The following HS3ST4 variants were observed in gnomAD, a reference collection of about 807,000 sequenced individuals.
HS3ST4 encodes the protein heparan sulfate glucosamine 3-O-sulfotransferase 4.
HS3ST4 carries 17 observed loss-of-function variants against 29.2 expected under a neutral mutation model. That is an observed-to-expected ratio of 0.58 (90% CI 0.40 to 0.87). The LOEUF (loss-of-function observed/expected upper bound fraction) is 0.87. HS3ST4 is among the 40% of genes least tolerant of loss of function. HS3ST4 has a pLI of 0.00. For missense variants in HS3ST4, 627 were observed against 634.5 expected (o/e 0.99, Z 0.13); for synonymous variants, 314 against 285.7 (o/e 1.10, Z -1.00).
chr16:25,797,847 A>G (rs1245408862), intron 1 of HS3ST4, among the ~76,000 whole-genome samples: 1 of 152,208 alleles, frequency 6.6e-6, no homozygotes, highest in Non-Finnish European at 1.5e-5. Flanking sequence ...AAGAGCCCTC[A>G]AGGATGCTGG....
chr16:25,751,892 G>A (rs975292111), intron 1 of HS3ST4, among the ~76,000 whole-genome samples: 5 of 152,162 alleles, frequency 3.3e-5, no homozygotes, highest in African/African-American at 1.2e-4. Flanking sequence ...TGGATGAAAG[G>A]AGGTCCCTAC....
chr16:25,801,312 A>T (rs955576594), intron 1 of HS3ST4, among the ~76,000 whole-genome samples: 1 of 152,144 alleles, frequency 6.6e-6, no homozygotes, highest in Admixed American at 6.6e-5. Context: ...GTGTACCCTA[A>T]TTTATTATCA....
chr16:25,693,270 G>A, intron 1 of HS3ST4, 119 bp downstream of exon 1: 1 of 1,132,778 alleles, frequency 8.8e-7, no homozygotes. Flanking sequence ...AAGCCCCCGC[G>A]AGGGCTCTGC....
chr16:25,718,912 A>C (rs1480537581), intron 1 of HS3ST4, among the ~76,000 whole-genome samples: 1 of 152,216 alleles, frequency 6.6e-6, no homozygotes. Flanking sequence ...AAATTGGAGA[A>C]TATAGAAAGA....
At chr16:25,779,020 A>G (rs887190171) in intron 1 of HS3ST4, among the ~76,000 whole-genome samples, 9 of 152,154 alleles carry the variant, frequency 5.9e-5, no homozygotes, top group Non-Finnish European at 8.8e-5. Flanking sequence ...ACACACACGC[A>G]CACACCCTAC....
chr16:25,699,679 A>G (rs1966321816), intron 1 of HS3ST4, among the ~76,000 whole-genome samples: 1 of 152,256 alleles, frequency 6.6e-6, no homozygotes, highest in Non-Finnish European at 1.5e-5. Flanking sequence ...CTTTGGTTCC[A>G]GAACACATTT....
At chr16:25,868,339 T>G (rs1318032159) in intron 1 of HS3ST4, among the ~76,000 whole-genome samples, 1 of 152,100 alleles carries the variant, frequency 6.6e-6, no homozygotes, top group Non-Finnish European at 1.5e-5. Context: ...TGTAAGATAC[T>G]AAATCCGGAT....
chr16:26,050,630 T>C (rs1003637853), intron 1 of HS3ST4, among the ~76,000 whole-genome samples: 3 of 152,208 alleles, frequency 2.0e-5, no homozygotes, highest in Non-Finnish European at 4.4e-5. Flanking sequence ...ATGTGATTCC[T>C]TCCGCACCAC....
intron 1 of HS3ST4, among the ~76,000 whole-genome samples, chr16:25,861,653 C>T (rs1348400073): frequency 6.6e-6 from 1 of 152,126 alleles, no homozygotes; most frequent in African/African-American, 2.4e-5. Context: ...CCCCAATCTC[C>T]CCTTTACACT....
intron 1 of HS3ST4, among the ~76,000 whole-genome samples, chr16:26,082,014 C>T (rs372672660): frequency 2.0e-5 from 3 of 152,158 alleles, no homozygotes; most frequent in South Asian, 2.1e-4. Context: ...AGGCTGGTTT[C>T]GAACTTCTGT....
intron 1 of HS3ST4, among the ~76,000 whole-genome samples, chr16:26,092,656 G>A (rs1481598299): frequency 2.0e-5 from 3 of 152,208 alleles, no homozygotes; most frequent in Admixed American, 6.5e-5. Context: ...GCTCCGGTCT[G>A]CAGCTCCCAG....
At chr16:25,812,080 G>A (rs924920663) in intron 1 of HS3ST4, among the ~76,000 whole-genome samples, 2 of 152,114 alleles carry the variant, frequency 1.3e-5, no homozygotes, top group African/African-American at 2.4e-5. Flanking sequence ...TGGGCATTGA[G>A]GTTGATCCCA....
At chr16:25,803,648 G>A (rs1966962501) in intron 1 of HS3ST4, among the ~76,000 whole-genome samples, 1 of 151,866 alleles carries the variant, frequency 6.6e-6, no homozygotes, top group Non-Finnish European at 1.5e-5. Flanking sequence ...GGTTCTCTTT[G>A]TGTCAGAGAA....
chr16:25,851,734 T>TA (rs2141649892), intron 1 of HS3ST4, among the ~76,000 whole-genome samples: 1 of 152,266 alleles, frequency 6.6e-6, no homozygotes, highest in African/African-American at 2.4e-5. Context: ...TGTCAGGAAC[T>TA]AATAGCCTTG....
chr16:25,836,241 A>G (rs1348265281), intron 1 of HS3ST4, among the ~76,000 whole-genome samples: 2 of 152,122 alleles, frequency 1.3e-5, no homozygotes, highest in Non-Finnish European at 2.9e-5. Context: ...TTGGACCCCT[A>G]CCCATGCATA....
At position 25,998,559 on chromosome 16, in the gene HS3ST4, C is replaced by G. The variant is rs150498946; in HGVS notation, c.735-137053C>G. The stretch of plus-strand genomic sequence containing the variant: ...AATTAGCTCCATCATTGCAGATTAT[C>G]AGAGTATTTTCCATTCTTGATCTTG... On this transcript the variant is annotated intron_variant, in intron 1 of 1. Transcript: ENST00000331351. 2.6e-5 allele frequency among the ~76,000 whole-genome samples: 4 copies of G among 152,262 alleles called. No individual in the cohort carries two copies. In the East Asian group the frequency reaches 7.7e-4, roughly 29 times the overall value.
At chr16:25,738,332 C>T (rs1254927726) in intron 1 of HS3ST4, among the ~76,000 whole-genome samples, 3 of 152,194 alleles carry the variant, frequency 2.0e-5, no homozygotes, top group Non-Finnish European at 4.4e-5. Context: ...TTACCTCTTT[C>T]CCCATCACTC....
At chr16:26,030,792 T>C (rs1177581133) in intron 1 of HS3ST4, among the ~76,000 whole-genome samples, 1 of 152,218 alleles carries the variant, frequency 6.6e-6, no homozygotes, top group African/African-American at 2.4e-5. Context: ...AATTCATCTC[T>C]TCTACATACA....
chr16:25,898,916 A>C (rs1042792376), intron 1 of HS3ST4, among the ~76,000 whole-genome samples: 2 of 152,238 alleles, frequency 1.3e-5, no homozygotes, highest in African/African-American at 4.8e-5. Context: ...TGCTGTTTTC[A>C]TCTGCCTCCT....
Sources: gnomAD v4.1 joint callset for allele counts (sites outside exome capture counted in the v4.1 genomes callset) on GRCh38, gnomAD v4.1.1 for gene constraint, MANE v1.5 for transcripts, NCBI Gene and HGNC (gene_info 2026-07-23, HGNC 2026-07-21) for gene names.